SLC23A2: variants seen among roughly 807,000 people sequenced by gnomAD.
The protein encoded by SLC23A2 is Na(+)/L-ascorbic acid transporter 2.
SLC23A2 carries 36 observed loss-of-function variants against 73.3 expected under a neutral mutation model. The ratio of observed to expected loss-of-function variants is 0.49; its 90% CI spans 0.38 to 0.65. SLC23A2 has a LOEUF of 0.65. Among genes scored for constraint, SLC23A2 ranks in the 30% least tolerant of loss-of-function variants. SLC23A2 has a pLI of 0.00. For synonymous variants in SLC23A2, 343 were observed against 327.3 expected, an observed-to-expected ratio of 1.05 and a Z score of -0.52; for missense variants, 507 against 841.6, an observed-to-expected ratio of 0.60 and a Z score of 4.92.
At position 4,862,262 on chromosome 20, in the gene SLC23A2, C is replaced by T. The variant is rs1298756009; in HGVS notation, c.1487-177G>A. ...GACTGTAGCCACCCTGCGCTCTGAG[C>T]CAAATGACCCTCGGCGTACGCGCTA... On this transcript the variant is annotated intron_variant, in intron 14 of 16. Coordinates refer to ENST00000338244, the MANE Select transcript of SLC23A2 (RefSeq NM_005116.6). The surrounding 1 kb of genome is among the most constrained non-coding windows in gnomAD (Gnocchi z 5.1). Among the ~76,000 whole-genome samples the T allele has an allele frequency of 6.6e-6, 1 of 152,202 alleles. No individual in the cohort carries two copies. The highest frequency in any genetic ancestry group is 2.4e-5 in the African/African-American group (1 of 41,440).
At chr20:4,985,329 A>C (rs1568656426) in intron 1 of SLC23A2, among the ~76,000 whole-genome samples, 1 of 152,194 alleles carries the variant, frequency 6.6e-6, no homozygotes, top group Non-Finnish European at 1.5e-5. Context: ...GGATAAACAA[A>C]ATGTGGTATA....
At chr20:4,905,403 G>T (rs749108287) in intron 4 of SLC23A2, among the ~76,000 whole-genome samples, 1 of 152,122 alleles carries the variant, frequency 6.6e-6, no homozygotes, top group African/African-American at 2.4e-5. Flanking sequence ...GCACTGTGGC[G>T]CCACACTCAG....
At chr20:4,936,901 A>G (rs1056629238) in intron 2 of SLC23A2, among the ~76,000 whole-genome samples, 1 of 152,152 alleles carries the variant, frequency 6.6e-6, no homozygotes, top group African/African-American at 2.4e-5. Flanking sequence ...AGAGGATGAG[A>G]CTCATACAGC....
chr20:5,004,688 A>T (rs1222842873), upstream of SLC23A2, among the ~76,000 whole-genome samples: 3 of 151,792 alleles, frequency 2.0e-5, no homozygotes, highest in African/African-American at 7.3e-5. Context: ...CTGAATAAAT[A>T]AATAAATAAA....
At chr20:4,972,581 T>A (rs1208008876) in intron 1 of SLC23A2, among the ~76,000 whole-genome samples, 1 of 151,932 alleles carries the variant, frequency 6.6e-6, no homozygotes, top group African/African-American at 2.4e-5. Context: ...TTGGGGTTTT[T>A]TTGTTGTTGT....
At chr20:4,870,955 T>C (rs1930425210) in intron 11 of SLC23A2, among the ~76,000 whole-genome samples, 1 of 152,336 alleles carries the variant, frequency 6.6e-6, no homozygotes, top group South Asian at 2.1e-4. Flanking sequence ...GAGGCCCCAC[T>C]GAAACTTCAT....
chr20:4,976,141 C>A (rs1208200538), intron 1 of SLC23A2, among the ~76,000 whole-genome samples: 7 of 151,904 alleles, frequency 4.6e-5, no homozygotes, highest in African/African-American at 1.7e-4. Flanking sequence ...GCATGAGCCA[C>A]CACGCCCGGC....
intron 9 of SLC23A2, among the ~76,000 whole-genome samples, chr20:4,879,657 T>C (rs966819448): frequency 8.5e-5 from 13 of 152,114 alleles, no homozygotes; most frequent in African/African-American, 2.7e-4. Context: ...CACTCCAGCC[T>C]GGGTGATGGA....
At chr20:4,975,979 G>A (rs193090623) in intron 1 of SLC23A2, among the ~76,000 whole-genome samples, 1 of 150,198 alleles carries the variant, frequency 6.7e-6, no homozygotes, top group African/African-American at 2.4e-5. Flanking sequence ...TCAGCCTCCC[G>A]AGTAGCTGGG....
chr20:5,005,866 G>A (rs911196106), upstream of SLC23A2, among the ~76,000 whole-genome samples: 15 of 151,938 alleles, frequency 9.9e-5, no homozygotes, highest in Admixed American at 5.2e-4. Flanking sequence ...CATGCCTGTA[G>A]TCCCAGCTAC....
chr20:4,923,544 C>T (rs1395591966), intron 3 of SLC23A2, among the ~76,000 whole-genome samples: 1 of 152,106 alleles, frequency 6.6e-6, no homozygotes, highest in Admixed American at 6.6e-5. Flanking sequence ...TAAACCAATT[C>T]CCTGGGCCGA....
In SLC23A2 at chr20:4,857,115, G is replaced by A. The variant is rs1929742791; in HGVS notation, c.1810C>T (p.Pro604Ser). Residue 604 changes from proline (P) to serine (S), a missense_variant, in exon 17 of 17, where the codon CCA (proline) becomes TCA (serine). Pro to Ser is a moderately conservative substitution (Grantham distance 74, BLOSUM62 -1). This residue lies in a region of SLC23A2 where 168 missense variants were observed against 302.3 expected (regional missense o/e 0.56). Coordinates refer to ENST00000338244, the MANE Select transcript of SLC23A2 (RefSeq NM_005116.6). The surrounding 1 kb of genome is among the most constrained non-coding windows in gnomAD (Gnocchi z 4.0). ...TTTTTTATAATGTTCATGCCAAATG[G>A]CAAATTGTACGACTCCATGCCGTCG... ...SLDGMESYNL[P>S]FGMNIIKKYR... is the part of the protein sequence containing the mutation. 3 of 1,613,968 alleles carry A rather than the reference G, an allele frequency of 1.9e-6. No homozygotes were observed. The highest frequency in any genetic ancestry group is 2.5e-6 in the Non-Finnish European group (3 of 1,179,862).
intron 1 of SLC23A2, among the ~76,000 whole-genome samples, chr20:4,979,605 C>A (rs1289985969): frequency 2.0e-5 from 3 of 151,986 alleles, no homozygotes; most frequent in African/African-American, 7.2e-5. Flanking sequence ...ATTGGAAAAT[C>A]TTCTATTCCA....
intron 11 of SLC23A2, chr20:4,873,730 G>A: frequency 2.1e-6 from 1 of 477,882 alleles, no homozygotes; most frequent in Admixed American, 3.8e-5. Context: ...TCGCTAATGT[G>A]AGAAGGGAGC....
chr20:4,980,809 G>A (rs987324967), intron 1 of SLC23A2, among the ~76,000 whole-genome samples: 1 of 152,078 alleles, frequency 6.6e-6, no homozygotes, highest in African/African-American at 2.4e-5. Context: ...GGTGATTACC[G>A]GTGTGAGCCA....
At chr20:4,991,267 CG>C (rs2122325956) in intron 1 of SLC23A2, among the ~76,000 whole-genome samples, 1 of 152,096 alleles carries the variant, frequency 6.6e-6, no homozygotes, top group South Asian at 2.1e-4. Context: ...CACACCACCA[CG>C]CCAGGCCACT....
intron 2 of SLC23A2, among the ~76,000 whole-genome samples, chr20:4,934,408 A>T (rs2086927698): frequency 6.6e-6 from 1 of 152,088 alleles, no homozygotes; most frequent in Non-Finnish European, 1.5e-5. Flanking sequence ...ATTTAAAGAC[A>T]CTTCCCTCCT....
chr20:4,882,330 G>A lies in SLC23A2; in HGVS notation c.824+1312C>T, dbSNP rs190755829. Among the ~76,000 whole-genome samples, 31 of 152,058 alleles carry A rather than the reference G, an allele frequency of 2.0e-4. 1 individual carries two copies. The highest frequency in any genetic ancestry group is 2.6e-4 in the Admixed American group (4 of 15,278). ...GTGGAGGTTGCAGTGAGCCAAGATC[G>A]CACCACTGCACTCCAGCCTGGGCAA... On this transcript the variant is annotated intron_variant, in intron 9 of 16. Transcript: ENST00000338244.
chr20:4,861,024 G>A (rs1568599852), intron 15 of SLC23A2, among the ~76,000 whole-genome samples: 1 of 152,150 alleles, frequency 6.6e-6, no homozygotes, highest in Non-Finnish European at 1.5e-5. Flanking sequence ...CAGCCTGAGC[G>A]ACAAAGCAAG....
Sources: allele counts gnomAD v4.1 joint callset (sites outside exome capture counted in the v4.1 genomes callset), GRCh38; gene constraint gnomAD v4.1.1; regional missense constraint gnomAD v4.1.1; non-coding constraint Gnocchi (gnomAD v3.1); transcripts MANE v1.5; gene names NCBI Gene and HGNC (gene_info 2026-07-23, HGNC 2026-07-21).